HTR7: variants seen among roughly 807,000 people sequenced by gnomAD.
HTR7 encodes the protein 5-HT-7.
A neutral mutation model predicts 34.0 loss-of-function variants in HTR7; 16 were observed. That is an observed-to-expected ratio of 0.47 (90% CI 0.32 to 0.71). The LOEUF is 0.71. Ranked by LOEUF, HTR7 falls within the 30% of genes least tolerant of loss-of-function variation. The pLI is 0.04. For synonymous variants in HTR7, 265 were observed against 260.2 expected, an observed-to-expected ratio of 1.02 and a Z score of -0.18; for missense variants, 504 against 625.5, an observed-to-expected ratio of 0.81 and a Z score of 2.07.
rs34023433 is a variant in HTR7, at chr10:90,857,115, G to C, written c.539+18C>G. 1.1e-4 allele frequency: 164 copies of C among 1,529,928 alleles called. No individual in the cohort carries two copies. The African/African-American group carries it at 2.1e-3, about 19-fold the overall frequency. 94.8% of individuals were successfully genotyped at this position (1,529,928 alleles called of 1,614,324 possible). Reference sequence around the variant, plus strand: ...CGGTCCCCAGCCGGAGCCTGGGACGGGGCGGTCCGGCCCTTACCTGTCAAT... The same window carrying C: ...CGGTCCCCAGCCGGAGCCTGGGACGCGGCGGTCCGGCCCTTACCTGTCAAT... On this transcript the variant is annotated intron_variant, in intron 1 of 3. Transcript: ENST00000336152. The surrounding 1 kb of genome is among the most constrained non-coding windows in gnomAD (Gnocchi z 6.5).
intron 1 of HTR7, among the ~76,000 whole-genome samples, chr10:90,759,090 G>A (rs569343903): frequency 6.9e-4 from 105 of 151,890 alleles, no homozygotes; most frequent in African/African-American, 2.4e-3. Flanking sequence ...GGGAGGCTGA[G>A]GCAGGAGAAT....
At chr10:90,764,292 T>C (rs1316674749) in intron 1 of HTR7, among the ~76,000 whole-genome samples, 1 of 149,198 alleles carries the variant, frequency 6.7e-6, no homozygotes, top group Non-Finnish European at 1.5e-5. Flanking sequence ...TTTGCCCATT[T>C]TTTGATGGGG....
intron 1 of HTR7, among the ~76,000 whole-genome samples, chr10:90,784,715 T>C (rs1188129630): frequency 1.3e-5 from 2 of 152,180 alleles, no homozygotes; most frequent in African/African-American, 2.4e-5. Context: ...TTCTTTCACT[T>C]TATCCTATGT....
chr10:90,806,954 G>A (rs370920173), intron 1 of HTR7, among the ~76,000 whole-genome samples: 2 of 152,314 alleles, frequency 1.3e-5, no homozygotes, highest in South Asian at 2.1e-4. Context: ...CAAGAAGGTA[G>A]CTAATGTGAG....
intron 1 of HTR7, among the ~76,000 whole-genome samples, chr10:90,844,637 G>A (rs1846383216): frequency 7.0e-6 from 1 of 142,256 alleles, no homozygotes; most frequent in African/African-American, 2.6e-5. Flanking sequence ...TGAGGCAGGA[G>A]AATGGCATGA....
chr10:90,802,996 C>CTTTTTTTTTTTT (rs35715510), intron 1 of HTR7, among the ~76,000 whole-genome samples: 28 of 89,012 alleles, frequency 3.1e-4, no homozygotes, highest in African/African-American at 8.4e-4. Context: ...CATTTGTGGC[C>CTTTTTTTTTTTT]TTTTTTTTTT....
At chr10:90,826,172 T>C (rs1158384192) in intron 1 of HTR7, among the ~76,000 whole-genome samples, 1 of 152,080 alleles carries the variant, frequency 6.6e-6, no homozygotes, top group Non-Finnish European at 1.5e-5. Context: ...GTGGAAACCT[T>C]ACAGGCCAGG....
intron 1 of HTR7, among the ~76,000 whole-genome samples, chr10:90,848,867 C>T (rs566060929): frequency 1.3e-5 from 2 of 152,332 alleles, no homozygotes; most frequent in African/African-American, 4.8e-5. Flanking sequence ...TTTATGTGAA[C>T]TGTAAATTCT....
At chr10:90,780,703 TCA>T (rs1845295377) in intron 1 of HTR7, among the ~76,000 whole-genome samples, 3 of 151,992 alleles carry the variant, frequency 2.0e-5, no homozygotes, top group Admixed American at 2.0e-4. Context: ...AGACCCACAC[TCA>T]CACACACTCA....
intron 1 of HTR7, among the ~76,000 whole-genome samples, chr10:90,832,083 C>A (rs1846187814): frequency 6.6e-6 from 1 of 152,184 alleles, no homozygotes. Flanking sequence ...CTCCAAGTCC[C>A]CATCAGACTC....
chr10:90,806,456 G>A (rs187969372), intron 1 of HTR7, among the ~76,000 whole-genome samples: 247 of 152,116 alleles, frequency 1.6e-3, no homozygotes, highest in African/African-American at 5.4e-3. Flanking sequence ...AAAATTAGCC[G>A]GGCGTGGTGG....
chr10:90,818,156 G>A (rs546179592), intron 1 of HTR7, among the ~76,000 whole-genome samples: 1 of 152,302 alleles, frequency 6.6e-6, no homozygotes, highest in Non-Finnish European at 1.5e-5. Flanking sequence ...GTGGGAGGTG[G>A]GGCCAAATGG....
chr10:90,745,566 C>A (rs1352680645), intron 2 of HTR7, among the ~76,000 whole-genome samples: 1 of 152,180 alleles, frequency 6.6e-6, no homozygotes, highest in East Asian at 1.9e-4. Context: ...TGAAAGATAT[C>A]ATCTGTTTTC....
chr10:90,853,966 G>A (rs1426699408), intron 1 of HTR7, among the ~76,000 whole-genome samples: 3 of 152,236 alleles, frequency 2.0e-5, no homozygotes, highest in Non-Finnish European at 4.4e-5. Flanking sequence ...CAGCTTAACT[G>A]TGAAGCAGAG....
intron 1 of HTR7, among the ~76,000 whole-genome samples, chr10:90,752,624 G>T (rs910484422): frequency 4.0e-5 from 6 of 151,768 alleles, no homozygotes; most frequent in African/African-American, 1.5e-4. Flanking sequence ...TTAAAAAAAA[G>T]TATAAAGCCA....
intron 1 of HTR7, among the ~76,000 whole-genome samples, chr10:90,828,930 AAAG>A (rs1415052740): frequency 1.6e-4 from 24 of 152,234 alleles, no homozygotes; most frequent in East Asian, 5.8e-4. Flanking sequence ...AATTTAAAAA[AAAG>A]AAAGAAAGAA....
At chr10:90,814,826 C>T (rs1007178066) in intron 1 of HTR7, among the ~76,000 whole-genome samples, 2 of 152,036 alleles carry the variant, frequency 1.3e-5, no homozygotes, top group African/African-American at 2.4e-5. Flanking sequence ...CTTTTTATTC[C>T]CTTTACCCTA....
chr10:90,843,753 T>A (rs1288246443), intron 1 of HTR7, among the ~76,000 whole-genome samples: 1 of 150,812 alleles, frequency 6.6e-6, no homozygotes. Flanking sequence ...GGGAAAGAAT[T>A]AAATGGGACC....
intron 1 of HTR7, among the ~76,000 whole-genome samples, chr10:90,819,186 T>A (rs1845941042): frequency 6.6e-6 from 1 of 152,212 alleles, no homozygotes; most frequent in Non-Finnish European, 1.5e-5. Flanking sequence ...TTAAAAAATG[T>A]TCTAAAACTG....
Sources: gnomAD v4.1 joint callset for allele counts (sites outside exome capture counted in the v4.1 genomes callset) on GRCh38, gnomAD v4.1.1 for gene constraint, Gnocchi (gnomAD v3.1) non-coding constraint, MANE v1.5 for transcripts, NCBI Gene and HGNC (gene_info 2026-07-23, HGNC 2026-07-21) for gene names.